CAMK1D: variants seen among roughly 807,000 people sequenced by gnomAD.
The protein encoded by CAMK1D is calcium/calmodulin-dependent protein kinase type 1D.
CAMK1D carries 9 observed loss-of-function variants against 47.7 expected under a neutral mutation model. That is an observed-to-expected ratio of 0.19 (90% CI 0.11 to 0.33). CAMK1D has a LOEUF of 0.33. Among genes scored for constraint, CAMK1D ranks in the 10% least tolerant of loss-of-function variants. The pLI, the probability that CAMK1D is intolerant of heterozygous loss-of-function variation, is 1.00. For missense variants in CAMK1D, 291 were observed against 488.7 expected, an observed-to-expected ratio of 0.60 and a Z score of 3.81; for synonymous variants, 184 against 184.9, an observed-to-expected ratio of 0.99 and a Z score of 0.04.
intron 2 of CAMK1D, among the ~76,000 whole-genome samples, chr10:12,645,195 AG>A (rs34104562): frequency 0.11 from 16,485 of 152,180 alleles, 978 homozygotes; most frequent in African/African-American, 0.16. Flanking sequence ...GCTTGACAGG[AG>A]CAATCATTTA....
chr10:12,654,332 C>G (rs771821191), intron 2 of CAMK1D, among the ~76,000 whole-genome samples: 3 of 152,216 alleles, frequency 2.0e-5, no homozygotes, highest in Non-Finnish European at 4.4e-5. Flanking sequence ...TGTGGGTTCT[C>G]ACATCAGTGA....
chr10:12,824,385 A>G (rs925994567), intron 8 of CAMK1D, 80 bp from the exon 9 acceptor site: 3 of 1,217,376 alleles, frequency 2.5e-6, no homozygotes, highest in Non-Finnish European at 3.6e-6. Context: ...TCCTGAGGCT[A>G]GGTAAGACTC....
At chr10:12,742,824 C>T (rs146980907) in intron 3 of CAMK1D, among the ~76,000 whole-genome samples, 4 of 148,478 alleles carry the variant, frequency 2.7e-5, no homozygotes, top group African/African-American at 1.1e-4. Context: ...TCTAAGAATA[C>T]CACATCTGAC....
At chr10:12,438,038 T>G (rs1832684610) in intron 1 of CAMK1D, among the ~76,000 whole-genome samples, 1 of 152,232 alleles carries the variant, frequency 6.6e-6, no homozygotes, top group Non-Finnish European at 1.5e-5. Context: ...CAAAAACCAC[T>G]TTGCTTGCAT....
intron 3 of CAMK1D, among the ~76,000 whole-genome samples, chr10:12,705,748 C>T (rs1175360504): frequency 6.6e-6 from 1 of 152,212 alleles, no homozygotes; most frequent in Non-Finnish European, 1.5e-5. Flanking sequence ...GACATGCTTT[C>T]TGTCAGTATC....
intron 2 of CAMK1D, among the ~76,000 whole-genome samples, chr10:12,616,398 C>T (rs7912228): frequency 0.87 from 132,292 of 152,244 alleles, 59,700 homozygotes; most frequent in Non-Finnish European, 0.99. Context: ...TTTACATGAA[C>T]TAGCGCATTA....
intron 3 of CAMK1D, among the ~76,000 whole-genome samples, chr10:12,745,684 C>A (rs1333180045): frequency 6.6e-6 from 1 of 151,504 alleles, no homozygotes; most frequent in East Asian, 2.0e-4. Flanking sequence ...CTCACCACAA[C>A]CTCCGCCTCC....
At chr10:12,714,287 A>G (rs1834036684) in intron 3 of CAMK1D, among the ~76,000 whole-genome samples, 1 of 152,168 alleles carries the variant, frequency 6.6e-6, no homozygotes, top group Non-Finnish European at 1.5e-5. Context: ...ACCTTCATAC[A>G]TGGCATAGTC....
chr10:12,363,530 A>G (rs981839096), intron 1 of CAMK1D, among the ~76,000 whole-genome samples: 4 of 152,116 alleles, frequency 2.6e-5, no homozygotes, highest in African/African-American at 9.7e-5. Flanking sequence ...ATGTACTTTA[A>G]ATCATCTCTA....
At chr10:12,784,032 T>C (rs986161517) in intron 5 of CAMK1D, among the ~76,000 whole-genome samples, 6 of 152,248 alleles carry the variant, frequency 3.9e-5, no homozygotes, top group Non-Finnish European at 5.9e-5. Context: ...TGGTGTAAAC[T>C]TGATAAGCCG....
At chr10:12,653,224 G>A (rs1249341964) in intron 2 of CAMK1D, 2 of 154,160 alleles carry the variant, frequency 1.3e-5, no homozygotes, top group African/African-American at 4.8e-5. Flanking sequence ...TCCACAAATG[G>A]GTTAATCTAT....
At chr10:12,515,211 A>G in intron 1 of CAMK1D, among the ~76,000 whole-genome samples, 1 of 151,336 alleles carries the variant, frequency 6.6e-6, no homozygotes, top group East Asian at 1.9e-4. Flanking sequence ...AGTAAAAATG[A>G]CTCTTACGGT....
intron 3 of CAMK1D, among the ~76,000 whole-genome samples, chr10:12,684,056 T>G (rs980485150): frequency 2.8e-4 from 43 of 152,122 alleles, no homozygotes; most frequent in African/African-American, 1.0e-3. Flanking sequence ...AAGGACAGGG[T>G]ATTTCTTGTC....
chr10:12,396,156 G>A (rs1212933720), intron 1 of CAMK1D, among the ~76,000 whole-genome samples: 1 of 152,068 alleles, frequency 6.6e-6, no homozygotes, highest in Non-Finnish European at 1.5e-5. Context: ...TTACAGGCGT[G>A]AGCCACTGTG....
At chr10:12,696,660 G>A (rs1185391523) in intron 3 of CAMK1D, among the ~76,000 whole-genome samples, 1 of 152,228 alleles carries the variant, frequency 6.6e-6, no homozygotes, top group Non-Finnish European at 1.5e-5. Flanking sequence ...AGATGAAAAT[G>A]TCATTCTCTA....
At chr10:12,745,272 C>T (rs926519370) in intron 3 of CAMK1D, among the ~76,000 whole-genome samples, 4 of 152,170 alleles carry the variant, frequency 2.6e-5, no homozygotes, top group Admixed American at 1.3e-4. Context: ...TCTCGTGATC[C>T]GCCCGCCTCA....
chr10:12,350,132 G>C lies in CAMK1D; in HGVS notation c.92+222G>C, dbSNP rs1272681108. Among the ~76,000 whole-genome samples the C allele has an allele frequency of 1.1e-4, 17 of 152,088 alleles. 1 individual carries two copies. Among genetic ancestry groups the C allele is most frequent in the Admixed American group, 1.1e-3 (17 of 15,282 alleles). ...CCCGGGAGGGGGAGGGGGCAGCGCC[G>C]GGCTGTCAGGGAGCAGCCCACGCGG... is the stretch of plus-strand genomic sequence containing the variant. On this transcript the variant is annotated intron_variant, in intron 1 of 10. Transcript: ENST00000619168.
intron 2 of CAMK1D, among the ~76,000 whole-genome samples, chr10:12,653,726 A>G (rs1840043467): frequency 1.3e-5 from 2 of 152,230 alleles, no homozygotes; most frequent in South Asian, 2.1e-4. Context: ...TCTGTTTTTC[A>G]TCTTACTATT....
intron 6 of CAMK1D, among the ~76,000 whole-genome samples, chr10:12,813,225 G>C (rs1832674658): frequency 6.6e-6 from 1 of 152,220 alleles, no homozygotes; most frequent in Non-Finnish European, 1.5e-5. Context: ...TGTCAGCCCT[G>C]CTGATACTTA....
Sources: gnomAD v4.1 joint callset for allele counts (sites outside exome capture counted in the v4.1 genomes callset) on GRCh38, gnomAD v4.1.1 for gene constraint, MANE v1.5 for transcripts, NCBI Gene and HGNC (gene_info 2026-07-23, HGNC 2026-07-21) for gene names.